Variants in PPIP5K2 observed in about 807,000 individuals in gnomAD.
PPIP5K2 encodes the protein diphosphoinositol pentakisphosphate kinase 2, also known as inositol hexakisphosphate and diphosphoinositol-pentakisphosphate kinase 2.
A neutral mutation model predicts 154.6 loss-of-function variants in PPIP5K2; 105 were observed. The observed-to-expected ratio is 0.68, with a 90% confidence interval of 0.58 to 0.80. PPIP5K2 has a LOEUF of 0.80. Ranked by LOEUF, PPIP5K2 falls within the 30% of genes least tolerant of loss-of-function variation. PPIP5K2 has a pLI of 0.00. For missense variants in PPIP5K2, 992 were observed against 1,504.6 expected (o/e 0.66, Z 5.64); for synonymous variants, 480 against 490.3 (o/e 0.98, Z 0.28).
chr5:103,136,978 A>G (rs1313218892), intron 4 of PPIP5K2, among the ~76,000 whole-genome samples, 156 bp downstream of exon 4: 1 of 152,164 alleles, frequency 6.6e-6, no homozygotes, highest in Non-Finnish European at 1.5e-5. Context: ...AATTTTACAG[A>G]TGAGGAATCT....
intron 5 of PPIP5K2, among the ~76,000 whole-genome samples, chr5:103,139,520 C>CGACT (rs1253791111): frequency 6.6e-6 from 1 of 152,142 alleles, no homozygotes; most frequent in Non-Finnish European, 1.5e-5. Context: ...AACACTTAGT[C>CGACT]TTTTTTGAAT....
Position 103,180,046 on chromosome 5 carries a change from T to G in PPIP5K2, c.2780T>G (p.Ile927Ser), listed in dbSNP as rs782776704. The change falls in exon 24 of 31, where the codon ATT becomes AGT. Residue 927 changes from isoleucine to serine, a missense_variant. Physicochemically the swap from Ile to Ser is moderately radical, Grantham distance 142 (BLOSUM62 -2). Coordinates refer to ENST00000358359, the MANE Select transcript of PPIP5K2 (RefSeq NM_001276277.3). The part of the protein sequence containing the change: ...RENEGRRPFK[I>S]DNDDEPHTSK... ...AATGAAGGCAGGAGACCTTTTAAAA[T>G]TGATAATGATGATGAACCACATACT... 3 of 1,548,162 alleles carry G rather than the reference T, an allele frequency of 1.9e-6. No homozygotes were observed. The highest frequency in any genetic ancestry group is 2.6e-6 in the Non-Finnish European group (3 of 1,150,240).
At chr5:103,180,379 G>C (rs1799324344) in intron 24 of PPIP5K2, among the ~76,000 whole-genome samples, 191 bp downstream of exon 24, 1 of 151,790 alleles carries the variant, frequency 6.6e-6, no homozygotes, top group Non-Finnish European at 1.5e-5. Context: ...TTAGAATGTT[G>C]AGCTTTACAT....
At chr5:103,147,545 T>C (rs1416352921) in intron 6 of PPIP5K2, among the ~76,000 whole-genome samples, 2 of 151,990 alleles carry the variant, frequency 1.3e-5, no homozygotes, top group Non-Finnish European at 2.9e-5. Flanking sequence ...AAAGCAACAT[T>C]ATTGTAATCA....
intron 1 of PPIP5K2, among the ~76,000 whole-genome samples, chr5:103,126,389 T>C (rs1185530935): frequency 2.0e-5 from 3 of 152,160 alleles, no homozygotes; most frequent in East Asian, 1.9e-4. Flanking sequence ...AAAAAATCTA[T>C]TGGATACATA....
intron 14 of PPIP5K2, among the ~76,000 whole-genome samples, chr5:103,156,495 C>G (rs1285926072): frequency 2.0e-5 from 3 of 152,102 alleles, no homozygotes; most frequent in Non-Finnish European, 4.4e-5. Context: ...AATGCATTTA[C>G]CTTACAAAAG....
chr5:103,141,168 G>A (rs1347974081), intron 5 of PPIP5K2, among the ~76,000 whole-genome samples: 1 of 152,134 alleles, frequency 6.6e-6, no homozygotes, highest in Non-Finnish European at 1.5e-5. Flanking sequence ...CCCGTCTTGT[G>A]TCCGGAATTG....
intron 16 of PPIP5K2, 91 bp downstream of exon 16, chr5:103,158,664 G>T: frequency 1.8e-6 from 2 of 1,090,596 alleles, no homozygotes; most frequent in East Asian, 5.4e-5. Flanking sequence ...GCTTACACCT[G>T]TAATCCTAGC....
At chr5:103,121,967 G>T (rs576399549) in intron 1 of PPIP5K2, among the ~76,000 whole-genome samples, 50 of 152,246 alleles carry the variant, frequency 3.3e-4, no homozygotes, top group African/African-American at 1.2e-3. Context: ...ATTTTCTCAC[G>T]TGGAAAAGGA....
Position 103,201,592 on chromosome 5 carries a change from A to C in PPIP5K2, c.3690A>C (p.Thr1230=). Residue 1230 remains threonine, a synonymous_variant, in exon 31 of 31, where the codon ACA becomes ACC. Coordinates refer to ENST00000358359, the MANE Select transcript of PPIP5K2 (RefSeq NM_001276277.3). ...SSRKKNITSK[T]ETHEHKKNTG... is the part of the protein sequence containing the mutation. ...GGAAAAAGAATATAACTAGCAAAAC[A>C]GAAACGCATGAACACAAAAAAAACA... The C allele has an allele frequency of 6.2e-7, 1 of 1,611,102 alleles. No homozygotes were observed. Among genetic ancestry groups the C allele is most frequent in the South Asian group, 1.1e-5 (1 of 90,510 alleles).
At chr5:103,195,651 T>G (rs1355202760) in intron 30 of PPIP5K2, among the ~76,000 whole-genome samples, 1 of 152,200 alleles carries the variant, frequency 6.6e-6, no homozygotes, top group Non-Finnish European at 1.5e-5. Flanking sequence ...TTCTATCCAT[T>G]TATCTTATTC....
At chr5:103,144,673 G>A (rs1554208577) in intron 5 of PPIP5K2, among the ~76,000 whole-genome samples, 4 of 152,130 alleles carry the variant, frequency 2.6e-5, no homozygotes. Context: ...ACTGGGGATA[G>A]GACAGTGTCT....
intron 27 of PPIP5K2, among the ~76,000 whole-genome samples, 171 bp from the exon 28 acceptor site, chr5:103,187,143 A>G (rs1404869748): frequency 1.3e-5 from 2 of 152,182 alleles, no homozygotes; most frequent in Admixed American, 1.3e-4. Flanking sequence ...TTCCTCTGTC[A>G]TCAAGCTAGT....
chr5:103,199,845 T>C (rs1431457521), intron 30 of PPIP5K2, among the ~76,000 whole-genome samples: 4 of 152,188 alleles, frequency 2.6e-5, no homozygotes, highest in Non-Finnish European at 4.4e-5. Flanking sequence ...TTATTCGTTA[T>C]AAACTTATGT....
chr5:103,173,521 G>GTGTGCTAAA (rs1463514189), intron 20 of PPIP5K2, among the ~76,000 whole-genome samples: 4 of 151,968 alleles, frequency 2.6e-5, no homozygotes, highest in South Asian at 2.1e-4. Flanking sequence ...GACCATCAAT[G>GTGTGCTAAA]TGTACCCCAT....
intron 8 of PPIP5K2, among the ~76,000 whole-genome samples, chr5:103,149,792 G>C (rs1417538256): frequency 3.9e-5 from 6 of 151,900 alleles, no homozygotes; most frequent in Non-Finnish European, 8.8e-5. Flanking sequence ...TGCCTCCCGG[G>C]TTCAAGCGAT....
Position 103,154,664 on chromosome 5 carries a change from T to TA in PPIP5K2, c.1218-5dup. 1 of 1,477,124 alleles carries TA rather than the reference T, an allele frequency of 6.8e-7. No individual in the cohort carries two copies. The highest frequency in any genetic ancestry group is 9.3e-7 in the Non-Finnish European group (1 of 1,078,996). The allele number at this position is 1,477,124 out of a possible 1,614,324, so 91.5% of individuals were successfully genotyped here. A position where few individuals can be genotyped will look rare whatever the true frequency, so the allele number is the denominator to read the frequency against. ...GTGACTAACAGTGTTCTGTCTTTTT[T>TA]ATAAGATTTTTTGATCTTTTTGAAA... On this transcript the variant is annotated splice_polypyrimidine_tract_variant and splice_region_variant and intron_variant, in intron 11 of 30. Transcript: ENST00000358359.
At chr5:103,140,240 T>G (rs1554205958) in intron 5 of PPIP5K2, among the ~76,000 whole-genome samples, 2 of 151,696 alleles carry the variant, frequency 1.3e-5, no homozygotes, top group Non-Finnish European at 2.9e-5. Context: ...TGGTAGAAAG[T>G]TTATTGAAAT....
chr5:103,176,034 A>G (rs1798652384), intron 21 of PPIP5K2, among the ~76,000 whole-genome samples: 1 of 152,084 alleles, frequency 6.6e-6, no homozygotes, highest in South Asian at 2.1e-4. Flanking sequence ...TTAATTATTC[A>G]GAATGGATGG....
Sources: gnomAD v4.1 joint callset for allele counts (sites outside exome capture counted in the v4.1 genomes callset) on GRCh38, gnomAD v4.1.1 for gene constraint, MANE v1.5 for transcripts, NCBI Gene and HGNC (gene_info 2026-07-23, HGNC 2026-07-21) for gene names.